Variants in PARVG observed in about 807,000 individuals in gnomAD.
PARVG encodes parvin gamma.
In PARVG, 36 loss-of-function variants were observed where a neutral mutation model predicts 44.4. The ratio of observed to expected loss-of-function variants is 0.81; its 90% confidence interval spans 0.62 to 1.07. The LOEUF (loss-of-function observed/expected upper bound fraction) is 1.07, where lower values mean the gene tolerates loss of function less well. Among genes scored for constraint, PARVG ranks in the 50% least tolerant of loss-of-function variants. The pLI, the probability that PARVG is intolerant of heterozygous loss-of-function variation, is 0.00. For missense variants in PARVG, 407 were observed against 407.4 expected, an observed-to-expected ratio of 1.00 and a Z score of 0.01; for synonymous variants, 170 against 174.1, an observed-to-expected ratio of 0.98 and a Z score of 0.19.
At position 44,206,404 on chromosome 22, in the gene PARVG, C is replaced by T. The variant is rs200951064; in HGVS notation, c.974C>T (p.Thr325Met). The T allele has an allele frequency of 4.8e-5, 78 of 1,613,924 alleles. No individual in the cohort carries two copies. The highest frequency in any genetic ancestry group is 5.5e-5 in the South Asian group (5 of 91,092). The change falls in exon 14 of 14, where the codon ACG (threonine) becomes ATG (methionine). Residue 325 changes from threonine to methionine, a missense_variant. By Grantham distance (81) the Thr-to-Met change is moderately conservative (BLOSUM62 -1). Coordinates refer to ENST00000444313, the MANE Select transcript of PARVG (RefSeq NM_022141.7). ...ACGCAGAAGGCACACAGGGACAGGA[C>T]GCCCCATGGAGCCCCGAATTGACCC... is the stretch of plus-strand genomic sequence containing the variant. ...KHTQKAHRDR[T>M]PHGAPN
chr22:44,183,352 A>G lies in PARVG; in HGVS notation c.23A>G (p.Asp8Gly), dbSNP rs140987493. Residue 8 changes from aspartate to glycine, a missense_variant, in exon 3 of 14, where the codon GAC (aspartate) becomes GGC (glycine). Asp to Gly is a moderately conservative substitution (Grantham distance 94, BLOSUM62 -1). Coordinates refer to ENST00000444313, the MANE Select transcript of PARVG (RefSeq NM_022141.7). Reference protein sequence around the residue: MEPEFLYDLLQLPKGVEP... With the variant: MEPEFLYGLLQLPKGVEP... Reference sequence around the variant, plus strand: ...GCGATGGAGCCGGAGTTCTTGTACGACCTGCTGCAGCTCCCCAAGGGGGTG... The same window carrying G: ...GCGATGGAGCCGGAGTTCTTGTACGGCCTGCTGCAGCTCCCCAAGGGGGTG... The G allele has an allele frequency of 7.1e-5, 115 of 1,610,108 alleles. No individual in the cohort carries two copies. Among genetic ancestry groups the G allele is most frequent in the Non-Finnish European group, 9.4e-5 (111 of 1,178,940 alleles).
rs1312832417 is a variant in PARVG, at chr22:44,198,885, C to T, written c.813+163C>T. Among the ~76,000 whole-genome samples the T allele has an allele frequency of 2.8e-4, 31 of 109,106 alleles. 1 individual carries two copies. Among genetic ancestry groups the T allele is most frequent in the Admixed American group, 2.1e-3 (22 of 10,720 alleles). 71.6% of individuals were successfully genotyped at this position (109,106 alleles called of 152,430 possible). ...ATCCATCCATCCATCCATCCATCCACCTATTCACCTATCCATCCATCTACC... is the reference window on the plus strand; with the variant it reads ...ATCCATCCATCCATCCATCCATCCATCTATTCACCTATCCATCCATCTACC... On this transcript the variant is annotated intron_variant, in intron 12 of 13. Coordinates refer to ENST00000444313, the MANE Select transcript of PARVG (RefSeq NM_022141.7).
At chr22:44,180,167 A>G (rs575957275), upstream of PARVG, among the ~76,000 whole-genome samples, 9 of 152,116 alleles carry the variant, frequency 5.9e-5, no homozygotes, top group East Asian at 1.7e-3. Context: ...GTGTCCCTCT[A>G]CCAAAGGCCA....
Position 44,194,029 on chromosome 22 carries a change from G to A in PARVG, c.583+206G>A, listed in dbSNP as rs371725707. ...TGCTCCTTCTCATGATACTGTTCCT[G>A]TGGGGAGAGAGATTTATAATTCACA... On this transcript the variant is annotated intron_variant, in intron 9 of 13. Coordinates refer to ENST00000444313, the MANE Select transcript of PARVG (RefSeq NM_022141.7). 4.4e-4 allele frequency among the ~76,000 whole-genome samples: 67 copies of A among 152,324 alleles called. No homozygotes were observed. In the East Asian group the frequency reaches 6.6e-3, roughly 15 times the overall value.
chr22:44,197,233 G>A (rs1487724604), intron 11 of PARVG, among the ~76,000 whole-genome samples: 1 of 152,170 alleles, frequency 6.6e-6, no homozygotes, highest in Non-Finnish European at 1.5e-5. Context: ...CATTGGCTGG[G>A]GAGGGAGGGG....
rs2054579848 is a variant in PARVG at position 44,193,658 on chromosome 22, C to T, written c.561-143C>T. Reference sequence around the variant, plus strand: ...AAGACCTTCTCTGCTATCTGCCCTACCTACAAAGCTGCCAGGAAAACCACA... The same window carrying T: ...AAGACCTTCTCTGCTATCTGCCCTATCTACAAAGCTGCCAGGAAAACCACA... On this transcript the variant is annotated intron_variant, in intron 8 of 13. Coordinates refer to ENST00000444313, the MANE Select transcript of PARVG (RefSeq NM_022141.7). The T allele has an allele frequency of 2.2e-5, 22 of 999,362 alleles. No individual in the cohort carries two copies. In the South Asian group the frequency reaches 2.9e-4, roughly 13 times the overall value. 61.9% of individuals were successfully genotyped at this position (999,362 alleles called of 1,614,324 possible). A position where few individuals can be genotyped will look rare whatever the true frequency, so the allele number is the denominator to read the frequency against.
rs538423771 is a variant in PARVG at position 44,197,346 on chromosome 22, T to C, written c.711+931T>C. 4.6e-5 allele frequency among the ~76,000 whole-genome samples: 7 copies of C among 152,280 alleles called. No individual in the cohort carries two copies. In the South Asian group the frequency reaches 1.5e-3, roughly 32 times the overall value. ...ATGTTAACTCATTGAATCCTCTCCA[T>C]AATCCTCTGAAGTGGGAACTGTACT... On this transcript the variant is annotated intron_variant, in intron 11 of 13. Transcript: ENST00000444313.
In PARVG at chr22:44,182,989, G is replaced by A. The variant is rs1024257673; in HGVS notation, c.-12-329G>A. The A allele has an allele frequency of 1.5e-5, 5 of 343,074 alleles. No individual in the cohort carries two copies. The highest frequency in any genetic ancestry group is 6.6e-5 in the African/African-American group (3 of 45,486). 21.3% of individuals were successfully genotyped at this position (343,074 alleles called of 1,614,324 possible). On this transcript the variant is annotated intron_variant, in intron 2 of 13. Transcript: ENST00000444313. This position sits in a 1 kb window ranked among gnomAD's most constrained non-coding sequence, Gnocchi z 4.6. ...TGTCCTGTCTGGGATAGGGTGGGGGGTCCCTGGGTAGGGGGCTGGGGGCTG... is the reference window on the plus strand; with the variant it reads ...TGTCCTGTCTGGGATAGGGTGGGGGATCCCTGGGTAGGGGGCTGGGGGCTG...
chr22:44,200,864 C>A (rs1215462849), intron 12 of PARVG, among the ~76,000 whole-genome samples: 1 of 152,076 alleles, frequency 6.6e-6, no homozygotes, highest in East Asian at 1.9e-4. Context: ...CCACCTAGGC[C>A]CTTCTTCTAG....
chr22:44,186,193 C>T (rs1221722475), intron 4 of PARVG: 3 of 308,242 alleles, frequency 9.7e-6, no homozygotes, highest in African/African-American at 2.2e-5. Flanking sequence ...CCTCATCTGT[C>T]AGGGGCACGC....
chr22:44,196,525 C>A, intron 11 of PARVG, 110 bp downstream of exon 11: 1 of 1,296,934 alleles, frequency 7.7e-7, no homozygotes, highest in Non-Finnish European at 1.1e-6. Flanking sequence ...GTTGCATCAC[C>A]TCTTGGAGCC....
upstream of PARVG, chr22:44,180,908 CG>C: frequency 1.0e-6 from 1 of 985,338 alleles, no homozygotes; most frequent in South Asian, 4.7e-5. Context: ...CATTTCAGCC[CG>C]GATGGTGAAG....
At chr22:44,187,633 G>A (rs1224691308) in intron 4 of PARVG, 143 bp from the exon 5 acceptor site, 1 of 741,558 alleles carries the variant, frequency 1.3e-6, no homozygotes, top group Non-Finnish European at 2.3e-6. Flanking sequence ...AGATCAAGGA[G>A]GGCTTCCCAG....
upstream of PARVG, among the ~76,000 whole-genome samples, chr22:44,179,748 C>A (rs1236442883): frequency 7.0e-6 from 1 of 143,566 alleles, no homozygotes; most frequent in Admixed American, 6.8e-5. The surrounding 1 kb of genome is among the most constrained non-coding windows in gnomAD (Gnocchi z 4.2). Flanking sequence ...GTAACAAATC[C>A]GAAGTTAATT....
At position 44,196,193 on chromosome 22, in the gene PARVG, A is replaced by C. The variant is rs1357013195; in HGVS notation, c.622A>C (p.Lys208Gln). 1 of 1,614,166 alleles carries C rather than the reference A, an allele frequency of 6.2e-7. No homozygotes were observed. Among genetic ancestry groups the C allele is most frequent in the Admixed American group, 1.7e-5 (1 of 60,022 alleles). The change falls in exon 10 of 14, where the codon AAA (lysine) becomes CAA (glutamine). Residue 208 changes from lysine (K) to glutamine (Q), a missense_variant. By Grantham distance (53) the Lys-to-Gln change is moderately conservative. Coordinates refer to ENST00000444313, the MANE Select transcript of PARVG (RefSeq NM_022141.7). Reference sequence around the variant, plus strand: ...TGAATTATTTAAGCTGGCTCCGGAGAAAGTGAACGCAGTGAAAGAGGTAGG... The same window carrying C: ...TGAATTATTTAAGCTGGCTCCGGAGCAAGTGAACGCAGTGAAAGAGGTAGG... Reference protein sequence around the residue: ...FDELFKLAPEKVNAVKEAIVN... With the variant: ...FDELFKLAPEQVNAVKEAIVN...
intron 13 of PARVG, 54 bp from the exon 14 acceptor site, chr22:44,206,263 T>G: frequency 7.7e-7 from 1 of 1,301,302 alleles, no homozygotes; most frequent in Non-Finnish European, 1.1e-6. Context: ...ATCGGGACAG[T>G]CGGTCACTGC....
At chr22:44,197,027 C>T (rs1437276336) in intron 11 of PARVG, among the ~76,000 whole-genome samples, 3 of 151,014 alleles carry the variant, frequency 2.0e-5, no homozygotes, top group African/African-American at 7.2e-5. Flanking sequence ...CGGCTGCCAG[C>T]CCGGGGCCTG....
At chr22:44,179,736 TG>T (rs2054352089), upstream of PARVG, among the ~76,000 whole-genome samples, 1 of 146,046 alleles carries the variant, frequency 6.8e-6, no homozygotes, top group Non-Finnish European at 1.5e-5. The surrounding 1 kb of genome is among the most constrained non-coding windows in gnomAD (Gnocchi z 4.2). Flanking sequence ...CAATTGTTTC[TG>T]GTAACAAATC....
chr22:44,191,196 C>A (rs377469955), intron 7 of PARVG, among the ~76,000 whole-genome samples: 2 of 152,066 alleles, frequency 1.3e-5, no homozygotes, highest in Non-Finnish European at 2.9e-5. Context: ...CAGGAATCCA[C>A]GACTTCCCTC....
Sources: gnomAD v4.1 joint callset for allele counts (sites outside exome capture counted in the v4.1 genomes callset) on GRCh38, gnomAD v4.1.1 for gene constraint, Gnocchi (gnomAD v3.1) non-coding constraint, MANE v1.5 for transcripts, NCBI Gene and HGNC (gene_info 2026-07-23, HGNC 2026-07-21) for gene names.